Variants in AGMO observed in about 807,000 individuals in gnomAD.
The protein encoded by AGMO is alkylglycerol monooxygenase, also known as glyceryl-ether monooxygenase.
AGMO carries 75 observed loss-of-function variants against 60.2 expected under a neutral mutation model. That is an observed-to-expected ratio of 1.25 (90% confidence interval 1.03 to 1.51). The LOEUF (loss-of-function observed/expected upper bound fraction) is 1.51, where lower values mean the gene tolerates loss of function less well. Among genes scored for constraint, AGMO ranks in the 40% most tolerant of loss-of-function variants. AGMO has a pLI of 0.00. For missense variants in AGMO, 763 were observed against 525.5 expected (o/e 1.45, Z -4.42); for synonymous variants, 261 against 177.1 (o/e 1.47, Z -3.76).
At chr7:15,515,795 T>C (rs556530895) in intron 3 of AGMO, among the ~76,000 whole-genome samples, 1 of 152,228 alleles carries the variant, frequency 6.6e-6, no homozygotes, top group African/African-American at 2.4e-5. Context: ...CATTTTGTTA[T>C]TTCTTCAACA....
chr7:15,340,778 G>A (rs1781819564), intron 12 of AGMO, among the ~76,000 whole-genome samples: 1 of 152,184 alleles, frequency 6.6e-6, no homozygotes, highest in Non-Finnish European at 1.5e-5. Flanking sequence ...AGCCCTCATG[G>A]AAAACCTCTG....
intron 9 of AGMO, 92 bp from the exon 10 acceptor site, chr7:15,385,654 CTATT>C (rs1783881303): frequency 4.1e-6 from 3 of 735,454 alleles, no homozygotes; most frequent in Non-Finnish European, 6.9e-6. Context: ...AAAGTATCTG[CTATT>C]TTTTTTAAAA....
intron 12 of AGMO, among the ~76,000 whole-genome samples, chr7:15,311,484 TA>T (rs1174146514): frequency 1.4e-4 from 21 of 146,120 alleles, no homozygotes; most frequent in Middle Eastern, 3.5e-3. Context: ...GCAGAGGTAG[TA>T]AAAAAAAAAA....
At chr7:15,366,280 G>C (rs554690093) in intron 10 of AGMO, 58 bp from the exon 11 acceptor site, 3 of 1,365,282 alleles carry the variant, frequency 2.2e-6, no homozygotes, top group South Asian at 1.3e-5. Flanking sequence ...AAAGGTACAC[G>C]AACGGTTAAA....
chr7:15,257,072 G>T (rs1183843051), intron 12 of AGMO, among the ~76,000 whole-genome samples: 1 of 151,954 alleles, frequency 6.6e-6, no homozygotes, highest in Non-Finnish European at 1.5e-5. Flanking sequence ...AAGCAACTGT[G>T]GTTATTTTTG....
At chr7:15,209,223 A>G (rs1781515044) in intron 12 of AGMO, among the ~76,000 whole-genome samples, 1 of 152,190 alleles carries the variant, frequency 6.6e-6, no homozygotes, top group East Asian at 1.9e-4. Flanking sequence ...TCTCACATGG[A>G]TAACAGTTTT....
At chr7:15,222,085 T>C (rs1456878528) in intron 12 of AGMO, among the ~76,000 whole-genome samples, 1 of 152,136 alleles carries the variant, frequency 6.6e-6, no homozygotes, top group Non-Finnish European at 1.5e-5. Context: ...TAAAATGCTA[T>C]TATTGGAGGA....
At position 15,495,770 on chromosome 7, in the gene AGMO, T is replaced by G. The variant is rs527879039; in HGVS notation, c.409+49002A>C. ...TCCTGGCTCATAGACAGCCAGCCACTTTCTCTCTGGGGCTTCATACAGCTT... is the reference window on the plus strand; with the variant it reads ...TCCTGGCTCATAGACAGCCAGCCACGTTCTCTCTGGGGCTTCATACAGCTT... On this transcript the variant is annotated intron_variant, in intron 3 of 12. Coordinates refer to ENST00000342526, the MANE Select transcript of AGMO (RefSeq NM_001004320.2). 1.1e-4 allele frequency among the ~76,000 whole-genome samples: 17 copies of G among 152,200 alleles called. 1 individual carries two copies. Among genetic ancestry groups the G allele is most frequent in the Non-Finnish European group, 2.9e-5 (2 of 68,006 alleles).
At chr7:15,343,300 T>C (rs1456185475) in intron 12 of AGMO, among the ~76,000 whole-genome samples, 1 of 152,120 alleles carries the variant, frequency 6.6e-6, no homozygotes, top group East Asian at 1.9e-4. Flanking sequence ...CTATTCACCC[T>C]TATTTTAACT....
intron 12 of AGMO, among the ~76,000 whole-genome samples, chr7:15,332,365 C>T (rs1001498912): frequency 1.3e-5 from 2 of 152,102 alleles, no homozygotes; most frequent in African/African-American, 2.4e-5. Context: ...AACTGTTAAA[C>T]GTAACATGGA....
At chr7:15,341,807 G>A (rs62450339) in intron 12 of AGMO, among the ~76,000 whole-genome samples, 22 of 152,084 alleles carry the variant, frequency 1.4e-4, no homozygotes, top group Non-Finnish European at 2.5e-4. Flanking sequence ...GAGGAGCAAA[G>A]GCATGTCTTT....
At chr7:15,372,678 A>G (rs866901447) in intron 10 of AGMO, among the ~76,000 whole-genome samples, 1 of 152,186 alleles carries the variant, frequency 6.6e-6, no homozygotes, top group Admixed American at 6.5e-5. Flanking sequence ...ATAAATATTT[A>G]GTCTCCTGTG....
intron 3 of AGMO, among the ~76,000 whole-genome samples, chr7:15,519,806 A>G (rs1305478085): frequency 3.9e-5 from 6 of 152,168 alleles, no homozygotes; most frequent in African/African-American, 1.4e-4. Flanking sequence ...ACACATAACA[A>G]TATTAACCTT....
At chr7:15,249,531 G>T (rs1782868388) in intron 12 of AGMO, among the ~76,000 whole-genome samples, 1 of 152,066 alleles carries the variant, frequency 6.6e-6, no homozygotes, top group Non-Finnish European at 1.5e-5. Flanking sequence ...ATTTTAATCA[G>T]GGCAGAAGGA....
chr7:15,269,606 A>C (rs1583346806), intron 12 of AGMO, among the ~76,000 whole-genome samples: 1 of 152,066 alleles, frequency 6.6e-6, no homozygotes, highest in South Asian at 2.1e-4. Flanking sequence ...CAGGAAGATT[A>C]TTTTTAATTT....
At chr7:15,166,469 A>G in the AGMO span, among the ~76,000 whole-genome samples, 1 of 152,176 alleles carries the variant, frequency 6.6e-6, no homozygotes. Flanking sequence ...TCCATCATAC[A>G]ATGTCCCTTT....
At chr7:15,372,227 G>C (rs1004954046) in intron 10 of AGMO, among the ~76,000 whole-genome samples, 2 of 152,006 alleles carry the variant, frequency 1.3e-5, no homozygotes, top group Admixed American at 6.6e-5. Context: ...GAGGTGAGCG[G>C]ATCACTTGAG....
rs145035400 is a variant in AGMO at position 15,429,989 on chromosome 7, G to A, written c.513+1016C>T. Among the ~76,000 whole-genome samples, 764 of 124,772 alleles carry A rather than the reference G, an allele frequency of 6.1e-3. 6 individuals are homozygous for A. The highest frequency in any genetic ancestry group is 0.021 in the African/African-American group (725 of 33,882). The allele number at this position is 124,772 out of a possible 152,430, so 81.9% of individuals were successfully genotyped here. Reference sequence around the variant, plus strand: ...TGCAGAGATTAAGATCAGGGGTCCTGGAACAAGACTGCAGTTCTACTTTTT... The same window carrying A: ...TGCAGAGATTAAGATCAGGGGTCCTAGAACAAGACTGCAGTTCTACTTTTT... On this transcript the variant is annotated intron_variant, in intron 4 of 12. Transcript: ENST00000342526.
At chr7:15,380,543 TC>T (rs556912978) in intron 10 of AGMO, among the ~76,000 whole-genome samples, 55 of 152,300 alleles carry the variant, frequency 3.6e-4, no homozygotes, top group African/African-American at 1.3e-3. Context: ...CATTCCATGT[TC>T]ATGGATAGCA....
Sources: allele counts gnomAD v4.1 joint callset (sites outside exome capture counted in the v4.1 genomes callset), GRCh38; gene constraint gnomAD v4.1.1; transcripts MANE v1.5; gene names NCBI Gene and HGNC (gene_info 2026-07-23, HGNC 2026-07-21).